MINDY4B: variants seen among roughly 807,000 people sequenced by gnomAD.
MINDY4B encodes the protein inactive ubiquitin carboxyl-terminal hydrolase MINDY-4B.
A neutral mutation model predicts 16.7 loss-of-function variants in MINDY4B; 25 were observed. The observed-to-expected ratio is 1.49, with a 90% CI of 1.09 to 2.09. The LOEUF is 2.09. MINDY4B is among the 30% of genes most tolerant of loss of function. MINDY4B has a pLI of 0.00. For synonymous variants in MINDY4B, 132 were observed against 61.9 expected (o/e 2.13, Z -5.32); for missense variants, 327 against 168.4 (o/e 1.94, Z -5.21).
At chr3:150,896,197 G>A (rs1332666750) in intron 3 of MINDY4B, among the ~76,000 whole-genome samples, 1 of 152,104 alleles carries the variant, frequency 6.6e-6, no homozygotes, top group Non-Finnish European at 1.5e-5. Context: ...ATTTCTAGAA[G>A]TGTGTCCACT....
intron 3 of MINDY4B, among the ~76,000 whole-genome samples, chr3:150,894,970 A>C (rs540682534): frequency 2.0e-4 from 31 of 152,366 alleles, no homozygotes; most frequent in African/African-American, 7.5e-4. Context: ...TACTATGAGA[A>C]AACAGAGGGA....
At chr3:150,888,166 G>A (rs1711676756) in intron 7 of MINDY4B, among the ~76,000 whole-genome samples, 1 of 152,076 alleles carries the variant, frequency 6.6e-6, no homozygotes, top group African/African-American at 2.4e-5. Context: ...ATCCTTCCTT[G>A]CATATTCCTG....
rs1712198190 is a variant in MINDY4B, at chr3:150,904,646, A to G, written c.141+416T>C. On this transcript the variant is annotated intron_variant, in intron 2 of 11. Coordinates refer to ENST00000465419, the MANE Select transcript of MINDY4B (RefSeq NM_001351281.2). The stretch of plus-strand genomic sequence containing the variant: ...ACCTTTTTAGCACCAGAATTCAGTC[A>G]TCTTTCTCTTATTTTAAAATGGTAA... 3.3e-5 allele frequency among the ~76,000 whole-genome samples: 5 copies of G among 152,202 alleles called. No homozygotes were observed. In the South Asian group the frequency reaches 1.0e-3, roughly 31 times the overall value.
chr3:150,878,013 C>A (rs1378493657), intron 10 of MINDY4B, among the ~76,000 whole-genome samples: 1 of 152,096 alleles, frequency 6.6e-6, no homozygotes, highest in Non-Finnish European at 1.5e-5. Context: ...ACTTGCCTAG[C>A]TGCTAGCTTT....
At chr3:150,888,878 G>T (rs2107903611) in intron 7 of MINDY4B, among the ~76,000 whole-genome samples, 1 of 152,238 alleles carries the variant, frequency 6.6e-6, no homozygotes, top group African/African-American at 2.4e-5. Flanking sequence ...GGGTGGAGGG[G>T]GTTCTTCCTA....
chr3:150,887,840 G>A (rs950103152), intron 7 of MINDY4B, among the ~76,000 whole-genome samples: 13 of 152,200 alleles, frequency 8.5e-5, no homozygotes, highest in African/African-American at 3.1e-4. Flanking sequence ...CAGGCGCGGT[G>A]GCTCACGCCT....
chr3:150,886,519 C>T (rs192426573), intron 7 of MINDY4B, among the ~76,000 whole-genome samples: 407 of 152,290 alleles, frequency 2.7e-3, no homozygotes, highest in African/African-American at 9.3e-3. Context: ...AACAAAGTGC[C>T]ACAGGCTTGG....
intron 11 of MINDY4B, among the ~76,000 whole-genome samples, chr3:150,871,947 T>C (rs2107892556): frequency 6.6e-6 from 1 of 152,276 alleles, no homozygotes; most frequent in Middle Eastern, 3.4e-3. Flanking sequence ...AAGAACTGGG[T>C]TTGGGGCTTG....
chr3:150,903,627 C>A (rs1285290744), intron 2 of MINDY4B, among the ~76,000 whole-genome samples: 1 of 152,148 alleles, frequency 6.6e-6, no homozygotes, highest in Non-Finnish European at 1.5e-5. Context: ...GTTTATATGA[C>A]TTGGAGAGGT....
intron 10 of MINDY4B, among the ~76,000 whole-genome samples, chr3:150,880,125 A>G (rs1711508473): frequency 6.6e-6 from 1 of 152,254 alleles, no homozygotes; most frequent in Non-Finnish European, 1.5e-5. Flanking sequence ...GGGCAGGCAC[A>G]TGTGGAATGA....
rs1332399435 is a variant in MINDY4B at position 150,882,883 on chromosome 3, T to C, written c.1059+14A>G. ...ACATTCTGGTTGTGTGGTTGAGGAC[T>C]GGAACACACTCACCTGTGAGAGTCT... On this transcript the variant is annotated intron_variant, in intron 10 of 11. Coordinates refer to ENST00000465419, the MANE Select transcript of MINDY4B (RefSeq NM_001351281.2). 11 of 696,476 alleles carry C rather than the reference T, an allele frequency of 1.6e-5. No homozygotes were observed. The highest frequency in any genetic ancestry group is 2.9e-5 in the Non-Finnish European group (11 of 381,614). The allele number at this position is 696,476 out of a possible 1,614,324, so 43.1% of individuals were successfully genotyped here. A position where few individuals can be genotyped will look rare whatever the true frequency, so the allele number is the denominator to read the frequency against.
At chr3:150,889,357 G>T (rs987865567) in intron 7 of MINDY4B, among the ~76,000 whole-genome samples, 1 of 152,198 alleles carries the variant, frequency 6.6e-6, no homozygotes. Flanking sequence ...ATCCAAGCCC[G>T]CAAGGGCAGG....
chr3:150,890,472 G>A lies in MINDY4B; in HGVS notation c.688-87C>T, dbSNP rs1317920022. On this transcript the variant is annotated intron_variant, in intron 6 of 11. Coordinates refer to ENST00000465419, the MANE Select transcript of MINDY4B (RefSeq NM_001351281.2). ...TCAACTCACTGTTATTACCACAAGTGGGTTTTTTGTTTCATTGCATAATCA... is the reference window on the plus strand; with the variant it reads ...TCAACTCACTGTTATTACCACAAGTAGGTTTTTTGTTTCATTGCATAATCA... 6.0e-6 allele frequency: 3 copies of A among 499,022 alleles called. No individual in the cohort carries two copies. The Admixed American group carries it at 1.1e-4, about 19-fold the overall frequency. 30.9% of individuals were successfully genotyped at this position (499,022 alleles called of 1,614,324 possible).
At chr3:150,879,807 A>G (rs1249978901) in intron 10 of MINDY4B, among the ~76,000 whole-genome samples, 2 of 152,184 alleles carry the variant, frequency 1.3e-5, no homozygotes, top group African/African-American at 2.4e-5. Context: ...GGTGACTTCA[A>G]TGTGCAGTCA....
chr3:150,887,976 C>T (rs1215945186), intron 7 of MINDY4B, among the ~76,000 whole-genome samples: 4 of 151,776 alleles, frequency 2.6e-5, no homozygotes, highest in Admixed American at 6.6e-5. Flanking sequence ...GGCGTGGTGG[C>T]GGGCGCCTGT....
chr3:150,882,924 A>G lies in MINDY4B; in HGVS notation c.1032T>C (p.Asp344=). Reference sequence around the variant, plus strand: ...GTGAGAGTCTGTCATCTTCCGAGGCATCCTTACCCCACTGCAAATAGCCAA... The same window carrying G: ...GTGAGAGTCTGTCATCTTCCGAGGCGTCCTTACCCCACTGCAAATAGCCAA... The part of the protein sequence containing the change: ...SDVGYLQWGK[D]ASEDDRLSQV... The change falls in exon 10 of 12, where the codon GAT becomes GAC. Residue 344 remains aspartate (D), a synonymous_variant. Coordinates refer to ENST00000465419, the MANE Select transcript of MINDY4B (RefSeq NM_001351281.2). 1 of 702,828 alleles carries G rather than the reference A, an allele frequency of 1.4e-6. No individual in the cohort carries two copies. Among genetic ancestry groups the G allele is most frequent in the South Asian group, 1.5e-5 (1 of 67,568 alleles). 43.5% of individuals were successfully genotyped at this position (702,828 alleles called of 1,614,324 possible). A position where few individuals can be genotyped will look rare whatever the true frequency, so the allele number is the denominator to read the frequency against.
At chr3:150,897,137 C>T (rs551760846) in intron 3 of MINDY4B, among the ~76,000 whole-genome samples, 1 of 152,180 alleles carries the variant, frequency 6.6e-6, no homozygotes, top group Admixed American at 6.5e-5. Context: ...TTACTTAATG[C>T]CATATCCCTA....
At chr3:150,893,282 T>C (rs907010693) in intron 5 of MINDY4B, 42 bp downstream of exon 5, 2 of 701,692 alleles carry the variant, frequency 2.9e-6, no homozygotes, top group African/African-American at 3.5e-5. Flanking sequence ...ATCAAGATTC[T>C]AGTGAAATGG....
chr3:150,886,874 T>A (rs1013601861), intron 7 of MINDY4B, among the ~76,000 whole-genome samples: 1 of 152,212 alleles, frequency 6.6e-6, no homozygotes, highest in Non-Finnish European at 1.5e-5. Flanking sequence ...CTTGATCATC[T>A]GCAAATCCCT....
Sources: gnomAD v4.1 joint callset for allele counts (sites outside exome capture counted in the v4.1 genomes callset) on GRCh38, gnomAD v4.1.1 for gene constraint, MANE v1.5 for transcripts, NCBI Gene and HGNC (gene_info 2026-07-23, HGNC 2026-07-21) for gene names.